ASXL3: variants seen among roughly 807,000 people sequenced by gnomAD.
ASXL3 encodes the protein putative Polycomb group protein ASXL3.
Under a neutral mutation model 170.6 loss-of-function variants are expected in ASXL3, and 34 were observed. The ratio of observed to expected loss-of-function variants is 0.20; its 90% confidence interval spans 0.15 to 0.27. The LOEUF is 0.27. Among genes scored for constraint, ASXL3 ranks in the 10% least tolerant of loss-of-function variants. ASXL3 has a pLI of 1.00. For missense variants in ASXL3, 2,592 were observed against 2,695.3 expected (o/e 0.96, Z 0.85); for synonymous variants, 1,002 against 989.1 (o/e 1.01, Z -0.24).
At chr18:33,719,613 T>G (rs1387721270) in intron 8 of ASXL3, among the ~76,000 whole-genome samples, 1 of 152,048 alleles carries the variant, frequency 6.6e-6, no homozygotes, top group African/African-American at 2.4e-5. Context: ...CCTCATAATT[T>G]ATATGTTGAA....
rs9947894 is a variant in ASXL3, at chr18:33,748,756, T to G, written c.*2161T>G. The G allele has an allele frequency of 0.6, 91,100 of 152,008 alleles. 28,412 individuals are homozygous for G. Among genetic ancestry groups the G allele is most frequent in the East Asian group, 0.88 (4,554 of 5,156 alleles). The allele number at this position is 152,008 out of a possible 1,614,324, so 9.4% of individuals were successfully genotyped here. A position where few individuals can be genotyped will look rare whatever the true frequency, so the allele number is the denominator to read the frequency against. On this transcript the variant is annotated 3_prime_UTR_variant, in exon 12 of 12. Transcript: ENST00000269197. ...TGCATGCCAACTCCTTCCAAATTCA[T>G]TCACTGCTATACCAGTGTCAGATAC...
intron 1 of ASXL3, among the ~76,000 whole-genome samples, chr18:33,604,618 C>T (rs1386436585): frequency 6.6e-6 from 1 of 151,924 alleles, no homozygotes; most frequent in East Asian, 1.9e-4. Context: ...CCCCCAAGGA[C>T]AGCGTTATGC....
In ASXL3 at chr18:33,732,858, C is replaced by T. The variant is rs1446657613; in HGVS notation, c.976+794C>T. On this transcript the variant is annotated intron_variant, in intron 9 of 11. Coordinates refer to ENST00000269197, the MANE Select transcript of ASXL3 (RefSeq NM_030632.3). ...CCAAGGCAACAGAGTGACACCCTGT[C>T]TCAAAAAAAAAAAAAAAAAAATTAC... Among the ~76,000 whole-genome samples, 6 of 79,360 alleles carry T rather than the reference C, an allele frequency of 7.6e-5. No individual in the cohort carries two copies. The Admixed American group carries it at 8.8e-4, about 12-fold the overall frequency. 52.1% of individuals were successfully genotyped at this position (79,360 alleles called of 152,430 possible).
At chr18:33,607,026 G>T (rs904796181) in intron 1 of ASXL3, among the ~76,000 whole-genome samples, 1 of 151,976 alleles carries the variant, frequency 6.6e-6, no homozygotes, top group African/African-American at 2.4e-5. Flanking sequence ...TAAATCGGAA[G>T]AGGAAAGGGC....
intron 8 of ASXL3, among the ~76,000 whole-genome samples, chr18:33,698,244 C>T (rs567746032): frequency 3.3e-5 from 5 of 152,184 alleles, no homozygotes; most frequent in African/African-American, 9.6e-5. Context: ...GACACAGCAA[C>T]GTGGTGCCAT....
chr18:33,733,303 C>T (rs1396381972), intron 9 of ASXL3, among the ~76,000 whole-genome samples: 1 of 152,124 alleles, frequency 6.6e-6, no homozygotes, highest in Admixed American at 6.5e-5. Context: ...ATTAAATTCA[C>T]GAGCTTCTCT....
chr18:33,589,314 G>A (rs755251114), intron 1 of ASXL3, among the ~76,000 whole-genome samples: 23 of 152,172 alleles, frequency 1.5e-4, no homozygotes, highest in Non-Finnish European at 2.1e-4. Context: ...GTTAATGTTA[G>A]TATTTGGTAG....
intron 10 of ASXL3, among the ~76,000 whole-genome samples, chr18:33,734,646 C>T (rs1325058129): frequency 6.6e-6 from 1 of 152,036 alleles, no homozygotes; most frequent in Non-Finnish European, 1.5e-5. Flanking sequence ...TTATTTTGGG[C>T]TGAAAATAGC....
At position 33,739,004 on chromosome 18, in the gene ASXL3, A is replaced by G; in HGVS notation, c.1600A>G (p.Ile534Val). The G allele has an allele frequency of 6.2e-7, 1 of 1,613,782 alleles. No homozygotes were observed. The highest frequency in any genetic ancestry group is 8.5e-7 in the Non-Finnish European group (1 of 1,179,814). ...ACCCCAGGAAGAAATGACAGTTGTT[A>G]TCGATCAGTTAGAAGTCTGTGACTC... ...ESPQEEMTVV[I>V]DQLEVCDSLI... The change falls in exon 11 of 12, where the codon ATC (isoleucine) becomes GTC (valine). Residue 534 changes from isoleucine to valine, a missense_variant. Physicochemically the swap from Ile to Val is conservative, Grantham distance 29 (BLOSUM62 3). Around this residue, in one of 4 missense-constraint regions of ASXL3, gnomAD observed 2,246 missense variants for 2,219.6 expected, o/e 1.01. Transcript: ENST00000269197.
At chr18:33,712,911 G>C (rs995391862) in intron 8 of ASXL3, among the ~76,000 whole-genome samples, 13 of 152,138 alleles carry the variant, frequency 8.5e-5, no homozygotes, top group African/African-American at 3.1e-4. Flanking sequence ...AAGTTGTGCA[G>C]TACTTCTGTT....
intron 8 of ASXL3, among the ~76,000 whole-genome samples, chr18:33,728,288 ACT>A (rs2067381712): frequency 6.6e-6 from 1 of 152,132 alleles, no homozygotes; most frequent in African/African-American, 2.4e-5. Flanking sequence ...ATTCTAATCC[ACT>A]GTGTCTTCTA....
At chr18:33,595,495 T>G (rs2065117718) in intron 1 of ASXL3, among the ~76,000 whole-genome samples, 1 of 152,210 alleles carries the variant, frequency 6.6e-6, no homozygotes, top group African/African-American at 2.4e-5. Context: ...ATGAACACAT[T>G]GGTCATGAAA....
intron 8 of ASXL3, among the ~76,000 whole-genome samples, chr18:33,709,941 G>T (rs545943869): frequency 6.6e-6 from 1 of 152,220 alleles, no homozygotes; most frequent in South Asian, 2.1e-4. Context: ...TTGTCAGGAT[G>T]TACAGTAAGT....
Position 33,746,286 on chromosome 18 carries a change from A to G in ASXL3, c.6438A>G (p.Gln2146=). The G allele has an allele frequency of 6.2e-7, 1 of 1,614,054 alleles. No homozygotes were observed. The highest frequency in any genetic ancestry group is 8.5e-7 in the Non-Finnish European group (1 of 1,179,892). ...QLAAQKMQVQ[Q]QQQLCGNYPT... is the part of the protein sequence containing the mutation. ...CTGCTCAGAAAATGCAGGTGCAGCAACAACAGCAGCTCTGTGGAAATTATC... is the reference window on the plus strand; with the variant it reads ...CTGCTCAGAAAATGCAGGTGCAGCAGCAACAGCAGCTCTGTGGAAATTATC... Residue 2146 remains glutamine (Q), a synonymous_variant, in exon 12 of 12, where the codon CAA becomes CAG. Transcript: ENST00000269197.
chr18:33,717,120 A>G (rs2067177521), intron 8 of ASXL3, among the ~76,000 whole-genome samples: 1 of 152,134 alleles, frequency 6.6e-6, no homozygotes, highest in Non-Finnish European at 1.5e-5. Flanking sequence ...CTCTAGGTCA[A>G]TCAGCTATAG....
chr18:33,599,490 A>T (rs9948157), intron 1 of ASXL3, among the ~76,000 whole-genome samples: 76 of 152,274 alleles, frequency 5.0e-4, no homozygotes, highest in African/African-American at 1.8e-3. Context: ...CTCTGTCATG[A>T]ATAACTTGGA....
chr18:33,743,590 G>A lies in ASXL3; in HGVS notation c.3742G>A (p.Ala1248Thr), dbSNP rs1247429411. The change falls in exon 12 of 12, where the codon GCA becomes ACA. Residue 1248 changes from alanine (A) to threonine (T), a missense_variant. Around this residue, in one of 4 missense-constraint regions of ASXL3, gnomAD observed 2,246 missense variants for 2,219.6 expected, o/e 1.01. Coordinates refer to ENST00000269197, the MANE Select transcript of ASXL3 (RefSeq NM_030632.3). ...TGTTTGCAGCACTGCTATATCGGGA[G>A]CAATTAAAGAACATCCCTTTGTGAG... Reference protein sequence around the residue: ...VSVCSTAISGAIKEHPFVSSV... With the variant: ...VSVCSTAISGTIKEHPFVSSV... 1.2e-6 allele frequency: 2 copies of A among 1,613,174 alleles called. No homozygotes were observed. The highest frequency in any genetic ancestry group is 8.5e-7 in the Non-Finnish European group (1 of 1,179,878).
At chr18:33,709,344 C>T (rs2067017603) in intron 8 of ASXL3, among the ~76,000 whole-genome samples, 1 of 150,976 alleles carries the variant, frequency 6.6e-6, no homozygotes, top group South Asian at 2.1e-4. Context: ...AAAGTTATAG[C>T]TATAGTGTTC....
At chr18:33,688,428 GA>G (rs2066632523) in intron 8 of ASXL3, among the ~76,000 whole-genome samples, 1 of 152,174 alleles carries the variant, frequency 6.6e-6, no homozygotes, top group African/African-American at 2.4e-5. Flanking sequence ...GAAATGTCCA[GA>G]CAATCATTAT....
Sources: allele counts gnomAD v4.1 joint callset (sites outside exome capture counted in the v4.1 genomes callset), GRCh38; gene constraint gnomAD v4.1.1; regional missense constraint gnomAD v4.1.1; transcripts MANE v1.5; gene names NCBI Gene and HGNC (gene_info 2026-07-23, HGNC 2026-07-21).